The following TRAPPC8 variants were observed in gnomAD, a reference collection of about 807,000 sequenced individuals.
TRAPPC8 encodes the protein general sporulation gene 1 homolog.
TRAPPC8 carries 54 observed loss-of-function variants against 174.3 expected under a neutral mutation model. The observed-to-expected ratio is 0.31, with a 90% CI of 0.25 to 0.39. The LOEUF (loss-of-function observed/expected upper bound fraction) is 0.39. Ranked by LOEUF, TRAPPC8 falls within the 10% of genes least tolerant of loss-of-function variation. TRAPPC8 has a pLI of 1.00. For synonymous variants in TRAPPC8, 630 were observed against 579.9 expected, an observed-to-expected ratio of 1.09 and a Z score of -1.24; for missense variants, 1,531 against 1,699.1, an observed-to-expected ratio of 0.90 and a Z score of 1.74.
chr18:31,898,591 T>C (rs773974254), intron 10 of TRAPPC8, among the ~76,000 whole-genome samples: 9 of 152,238 alleles, frequency 5.9e-5, no homozygotes, highest in Non-Finnish European at 8.8e-5. Flanking sequence ...GCTGGCTACT[T>C]TGAGAAATAT....
intron 4 of TRAPPC8, among the ~76,000 whole-genome samples, chr18:31,915,135 A>G (rs1015560470): frequency 6.6e-6 from 1 of 152,236 alleles, no homozygotes; most frequent in Admixed American, 6.5e-5. Flanking sequence ...AGACTGTATA[A>G]CAATTATACA....
intron 10 of TRAPPC8, among the ~76,000 whole-genome samples, chr18:31,900,381 G>A (rs11081722): frequency 0.36 from 54,108 of 151,860 alleles, 10,136 homozygotes; most frequent in South Asian, 0.57. Flanking sequence ...TCTTTAGCCA[G>A]TAATGCACAT....
At chr18:31,880,108 TATATATATATA>T (rs2035362467) in intron 12 of TRAPPC8, among the ~76,000 whole-genome samples, 1 of 91,292 alleles carries the variant, frequency 1.1e-5, no homozygotes, top group African/African-American at 4.5e-5. Flanking sequence ...TATATATATA[TATATATATATA>T]TATTTTTTTT....
intron 24 of TRAPPC8, among the ~76,000 whole-genome samples, chr18:31,852,017 A>G (rs1170067190): frequency 2.0e-5 from 3 of 152,018 alleles, no homozygotes; most frequent in African/African-American, 7.2e-5. Context: ...GCAAAACTCA[A>G]TAAAGTTCAG....
At chr18:31,906,508 AAG>A (rs2036666338) in intron 9 of TRAPPC8, among the ~76,000 whole-genome samples, 2 of 152,090 alleles carry the variant, frequency 1.3e-5, no homozygotes, top group South Asian at 4.1e-4. Context: ...AGCTAAAAAA[AAG>A]TATCTACACA....
At chr18:31,883,646 C>G (rs1306832519) in intron 12 of TRAPPC8, 2 of 152,518 alleles carry the variant, frequency 1.3e-5, no homozygotes, top group Non-Finnish European at 2.9e-5. Context: ...GATGCTACAT[C>G]AAAAGGATCA....
chr18:31,906,460 TTATTAAACAAG>T (rs1193328283), intron 9 of TRAPPC8, among the ~76,000 whole-genome samples: 4 of 152,272 alleles, frequency 2.6e-5, no homozygotes, highest in Admixed American at 2.6e-4. Context: ...CAAATGCCAG[TTATTAAACAAG>T]TATCTGTCAG....
Position 31,874,481 on chromosome 18 carries a change from T to G in TRAPPC8, c.1952A>C (p.Lys651Thr). The change falls in exon 13 of 29, where the codon AAG becomes ACG. Residue 651 changes from lysine to threonine, a missense_variant and splice_region_variant. By Grantham distance (78) the Lys-to-Thr change is moderately conservative. Transcript: ENST00000283351. The part of the protein sequence containing the change: ...AFLREYLYVY[K>T]NVSQLSPDGP... ...TCCTGAATGAAAATAAGCAGTCACCTTGTAAACATAAAGATATTCTCTGAG... is the reference window on the plus strand; with the variant it reads ...TCCTGAATGAAAATAAGCAGTCACCGTGTAAACATAAAGATATTCTCTGAG... The G allele has an allele frequency of 6.2e-7, 1 of 1,613,636 alleles. No individual in the cohort carries two copies. Among genetic ancestry groups the G allele is most frequent in the Non-Finnish European group, 8.5e-7 (1 of 1,179,604 alleles).
chr18:31,880,296 A>T (rs1204194461), intron 12 of TRAPPC8, among the ~76,000 whole-genome samples: 1 of 151,552 alleles, frequency 6.6e-6, no homozygotes, highest in Non-Finnish European at 1.5e-5. Flanking sequence ...CAAAAAGTCA[A>T]ATTAATCACA....
intron 2 of TRAPPC8, among the ~76,000 whole-genome samples, chr18:31,929,875 C>T (rs1225526100): frequency 6.6e-6 from 1 of 152,034 alleles, no homozygotes; most frequent in Non-Finnish European, 1.5e-5. Flanking sequence ...ATATTGAAAA[C>T]ATGCTAGGAA....
At position 31,830,852 on chromosome 18, in the gene TRAPPC8, G is replaced by C; in HGVS notation, c.4211C>G (p.Thr1404Ser). ...FVHTGVYNLG[T>S]PRVFAKLSDQ... The stretch of plus-strand genomic sequence containing the variant: ...CGATAACTTGGCAAATACCCTAGGA[G>C]TTCCAAGGTTATAAACACCTGTATG... The change falls in exon 29 of 29, where the codon ACT becomes AGT. Residue 1404 changes from threonine to serine, a missense_variant. Transcript: ENST00000283351. 6.2e-7 allele frequency: 1 copy of C among 1,614,152 alleles called. No individual in the cohort carries two copies. The highest frequency in any genetic ancestry group is 8.5e-7 in the Non-Finnish European group (1 of 1,180,026).
At chr18:31,878,012 G>A (rs1454735996) in intron 12 of TRAPPC8, among the ~76,000 whole-genome samples, 1 of 151,806 alleles carries the variant, frequency 6.6e-6, no homozygotes, top group Admixed American at 6.6e-5. Flanking sequence ...AGAAGCATCC[G>A]GGCAACAGAA....
chr18:31,921,618 CAA>C lies in TRAPPC8; in HGVS notation c.353-3953_353-3952del, dbSNP rs34622423. Among the ~76,000 whole-genome samples, 280 of 61,812 alleles carry C rather than the reference CAA, an allele frequency of 4.5e-3. 1 individual carries two copies. The highest frequency in any genetic ancestry group is 0.012 in the African/African-American group (220 of 19,080). The allele number at this position is 61,812 out of a possible 152,430, so 40.6% of individuals were successfully genotyped here. A position where few individuals can be genotyped will look rare whatever the true frequency, so the allele number is the denominator to read the frequency against. On this transcript the variant is annotated intron_variant, in intron 2 of 28. Coordinates refer to ENST00000283351, the MANE Select transcript of TRAPPC8 (RefSeq NM_014939.5). ...TGGATGACAGAGCGAGACTCCGTCT[CAA>C]AAAAAAAAAAAAAAAAAGTTATCTT...
At chr18:31,921,229 G>A (rs181962195) in intron 2 of TRAPPC8, among the ~76,000 whole-genome samples, 2 of 152,192 alleles carry the variant, frequency 1.3e-5, no homozygotes, top group Admixed American at 6.5e-5. Flanking sequence ...AGAAGTAACA[G>A]AATAAATCTA....
At chr18:31,880,121 A>ATATT (rs1239258266) in intron 12 of TRAPPC8, among the ~76,000 whole-genome samples, 66 of 69,048 alleles carry the variant, frequency 9.6e-4, no homozygotes, top group East Asian at 2.2e-3. Flanking sequence ...ATATATATAT[A>ATATT]TTTTTTTTTT....
At position 31,908,378 on chromosome 18, in the gene TRAPPC8, G is replaced by A; in HGVS notation, c.1163C>T (p.Ala388Val). 6.2e-7 allele frequency: 1 copy of A among 1,603,402 alleles called. No individual in the cohort carries two copies. ...ACTGCCACTAAACCATTTTTTAGTT[G>A]CAGAAAATAGAGATCGACTCAAACC... ...RKGLSRSLFS[A>V]TKKWFSGSKV... Residue 388 changes from alanine to valine, a missense_variant, in exon 8 of 29, where the codon GCA becomes GTA. By Grantham distance (64) the Ala-to-Val change is moderately conservative. Transcript: ENST00000283351.
chr18:31,859,003 G>A (rs1285538544), intron 19 of TRAPPC8, among the ~76,000 whole-genome samples: 1 of 152,144 alleles, frequency 6.6e-6, no homozygotes, highest in Non-Finnish European at 1.5e-5. Flanking sequence ...TGCAGTGGGA[G>A]GACTGCTCGA....
chr18:31,840,096 C>T (rs1308394588), intron 26 of TRAPPC8, among the ~76,000 whole-genome samples: 1 of 152,072 alleles, frequency 6.6e-6, no homozygotes, highest in Non-Finnish European at 1.5e-5. Context: ...GGGTGGCTCA[C>T]GTCTGTAATC....
chr18:31,901,389 T>A (rs1670399242), intron 9 of TRAPPC8, among the ~76,000 whole-genome samples: 1 of 152,184 alleles, frequency 6.6e-6, no homozygotes, highest in Non-Finnish European at 1.5e-5. Flanking sequence ...TAAAGACTAG[T>A]GGATCCTTGG....
Sources: allele counts gnomAD v4.1 joint callset (sites outside exome capture counted in the v4.1 genomes callset), GRCh38; gene constraint gnomAD v4.1.1; transcripts MANE v1.5; gene names NCBI Gene and HGNC (gene_info 2026-07-23, HGNC 2026-07-21).